PPIP5K2: variants seen among roughly 807,000 people sequenced by gnomAD.
PPIP5K2 encodes the protein diphosphoinositol pentakisphosphate kinase 2.
Under a neutral mutation model 154.6 loss-of-function variants are expected in PPIP5K2, and 105 were observed. The observed-to-expected ratio is 0.68, with a 90% confidence interval of 0.58 to 0.80. The LOEUF is 0.80. PPIP5K2 is among the 30% of genes least tolerant of loss of function. PPIP5K2 has a pLI of 0.00. For missense variants in PPIP5K2, 992 were observed against 1,504.6 expected (o/e 0.66, Z 5.64); for synonymous variants, 480 against 490.3 (o/e 0.98, Z 0.28).
Position 103,201,695 on chromosome 5 carries a change from C to A in PPIP5K2, c.*61C>A. Reference sequence around the variant, plus strand: ...AAAATAGTATGTTCTTATGTTTCTCCTTATGCATTTATGTGTTCACTTAAA... The same window carrying A: ...AAAATAGTATGTTCTTATGTTTCTCATTATGCATTTATGTGTTCACTTAAA... On this transcript the variant is annotated 3_prime_UTR_variant, in exon 31 of 31. Transcript: ENST00000358359. 3 of 1,189,904 alleles carry A rather than the reference C, an allele frequency of 2.5e-6. No individual in the cohort carries two copies. Among genetic ancestry groups the A allele is most frequent in the Non-Finnish European group, 3.6e-6 (3 of 843,686 alleles). The allele number at this position is 1,189,904 out of a possible 1,614,324, so 73.7% of individuals were successfully genotyped here. A position where few individuals can be genotyped will look rare whatever the true frequency, so the allele number is the denominator to read the frequency against.
rs1554214286 is a variant in PPIP5K2 at position 103,158,222 on chromosome 5, T to C, written c.1524T>C (p.Val508=). The C allele has an allele frequency of 1.2e-6, 2 of 1,613,938 alleles. No individual in the cohort carries two copies. Among genetic ancestry groups the C allele is most frequent in the Non-Finnish European group, 1.7e-6 (2 of 1,179,830 alleles). Residue 508 remains valine, a synonymous_variant, in exon 15 of 31, where the codon GTT becomes GTC. Coordinates refer to ENST00000358359, the MANE Select transcript of PPIP5K2 (RefSeq NM_001276277.3). ...SRREEPSLLL[V]LKWGGELTPA... ...GAGAAGAACCATCTTTACTTTTGGT[T>C]CTAAAATGGGGAGGTGAATTAACTC... is the stretch of plus-strand genomic sequence containing the variant.
chr5:103,158,604 A>T, intron 16 of PPIP5K2, 31 bp downstream of exon 16: 1 of 1,524,108 alleles, frequency 6.6e-7, no homozygotes, highest in South Asian at 1.3e-5. Context: ...GAATTATTAG[A>T]GTTTTTAATC....
rs1803013582 is a variant in PPIP5K2, at chr5:103,201,548, G to T, written c.3646G>T (p.Val1216Phe). 6.2e-7 allele frequency: 1 copy of T among 1,604,438 alleles called. No homozygotes were observed. Among genetic ancestry groups the T allele is most frequent in the Non-Finnish European group, 8.5e-7 (1 of 1,176,790 alleles). ...PATSGPSSAVVPNTSSRKKNI... is the reference protein window; with the variant it reads ...PATSGPSSAVFPNTSSRKKNI... ...TACAAGTGGACCTTCTAGTGCAGTT[G>T]TTCCTAATACCTCATCTCGGAAAAA... is the stretch of plus-strand genomic sequence containing the variant. Residue 1216 changes from valine (V) to phenylalanine (F), a missense_variant, in exon 31 of 31, where the codon GTT becomes TTT. Transcript: ENST00000358359.
Position 103,152,703 on chromosome 5 carries a change from T to C in PPIP5K2, c.1084T>C (p.Leu362=), listed in dbSNP as rs782707139. 171 of 1,596,236 alleles carry C rather than the reference T, an allele frequency of 1.1e-4. No individual in the cohort carries two copies. Among genetic ancestry groups the C allele is most frequent in the Non-Finnish European group, 1.2e-4 (142 of 1,164,502 alleles). ...PQFHIPWSIP[L]EAEDIPIVPT... ...ATTTCATATTCCATGGTCAATACCCTTAGAAGCTGAAGATATCCCAATTGT... is the reference window on the plus strand; with the variant it reads ...ATTTCATATTCCATGGTCAATACCCCTAGAAGCTGAAGATATCCCAATTGT... Residue 362 remains leucine, a synonymous_variant, in exon 10 of 31, where the codon TTA becomes CTA. Coordinates refer to ENST00000358359, the MANE Select transcript of PPIP5K2 (RefSeq NM_001276277.3).
chr5:103,201,507 T>TTG lies in PPIP5K2; in HGVS notation c.3620-14_3620-13insGT. The TTG allele has an allele frequency of 6.7e-7, 1 of 1,493,140 alleles. No homozygotes were observed. Among genetic ancestry groups the TTG allele is most frequent in the South Asian group, 1.3e-5 (1 of 75,602 alleles). 92.5% of individuals were successfully genotyped at this position (1,493,140 alleles called of 1,614,324 possible). Reference sequence around the variant, plus strand: ...TTAAGCAATAGTTTTTTTTTTTTGTTTTTGTTTTATGTAGCTACAAGTGGA... The same window carrying TTG: ...TTAAGCAATAGTTTTTTTTTTTTGTTTGTTTGTTTTATGTAGCTACAAGTGGA... On this transcript the variant is annotated splice_polypyrimidine_tract_variant and intron_variant, in intron 30 of 30. Coordinates refer to ENST00000358359, the MANE Select transcript of PPIP5K2 (RefSeq NM_001276277.3).
At chr5:103,176,915 G>A in intron 21 of PPIP5K2, 1 of 1,448,940 alleles carries the variant, frequency 6.9e-7, no homozygotes, top group South Asian at 1.2e-5. Flanking sequence ...GAGATGGTAA[G>A]ATCAATAGAA....
chr5:103,197,122 G>A (rs1036648385), intron 30 of PPIP5K2, among the ~76,000 whole-genome samples: 1 of 152,092 alleles, frequency 6.6e-6, no homozygotes, highest in African/African-American at 2.4e-5. Flanking sequence ...ATAGGATACT[G>A]GTCTGTAGTT....
intron 30 of PPIP5K2, among the ~76,000 whole-genome samples, chr5:103,201,171 T>G (rs1554230147): frequency 6.6e-6 from 1 of 152,212 alleles, no homozygotes; most frequent in Non-Finnish European, 1.5e-5. Flanking sequence ...TTGGCAGTTG[T>G]ATATACATAT....
chr5:103,210,896 C>G lies in PPIP5K2; in HGVS notation c.*9262C>G, dbSNP rs2149896255. ...AATGCAAACTATTTTTTTGTGTTAG[C>G]CTAAATAAAATGAAATACAGTTATG... On this transcript the variant is annotated 3_prime_UTR_variant, in exon 31 of 31. Transcript: ENST00000358359. The G allele has an allele frequency of 6.6e-6, 1 of 151,902 alleles. No homozygotes were observed. The highest frequency in any genetic ancestry group is 2.1e-4 in the South Asian group (1 of 4,808). 9.4% of individuals were successfully genotyped at this position (151,902 alleles called of 1,614,324 possible). A position where few individuals can be genotyped will look rare whatever the true frequency, so the allele number is the denominator to read the frequency against.
At chr5:103,181,574 A>AAAAT (rs1174841440) in intron 24 of PPIP5K2, among the ~76,000 whole-genome samples, 14 of 152,144 alleles carry the variant, frequency 9.2e-5, no homozygotes, top group East Asian at 1.9e-4. Context: ...TCTGTCTCAA[A>AAAAT]AAATAAATAA....
At chr5:103,153,974 T>G (rs782179533) in intron 11 of PPIP5K2, 40 bp downstream of exon 11, 2 of 1,423,676 alleles carry the variant, frequency 1.4e-6, no homozygotes, top group Non-Finnish European at 1.9e-6. Context: ...CATGATACAA[T>G]TTTAAGATTT....
intron 23 of PPIP5K2, among the ~76,000 whole-genome samples, chr5:103,179,252 A>G (rs1554221861): frequency 6.6e-6 from 1 of 151,930 alleles, no homozygotes; most frequent in African/African-American, 2.4e-5. Flanking sequence ...TTATGTACTC[A>G]GTTTATTTTC....
At chr5:103,199,425 G>A (rs1253595042) in intron 30 of PPIP5K2, among the ~76,000 whole-genome samples, 2 of 151,982 alleles carry the variant, frequency 1.3e-5, no homozygotes, top group Non-Finnish European at 2.9e-5. Flanking sequence ...AGAGAATTCT[G>A]GGTAGAAAAT....
chr5:103,208,848 T>G lies in PPIP5K2; in HGVS notation c.*7214T>G, dbSNP rs1355643377. On this transcript the variant is annotated 3_prime_UTR_variant, in exon 31 of 31. Transcript: ENST00000358359. Reference sequence around the variant, plus strand: ...CTATTTTGGGGTTGAGGTTAAAGTGTCTTCTAGTTTTGTTGAAGATAGTTT... The same window carrying G: ...CTATTTTGGGGTTGAGGTTAAAGTGGCTTCTAGTTTTGTTGAAGATAGTTT... 2 of 152,158 alleles carry G rather than the reference T, an allele frequency of 1.3e-5. No individual in the cohort carries two copies. Among genetic ancestry groups the G allele is most frequent in the African/African-American group, 4.8e-5 (2 of 41,436 alleles). 9.4% of individuals were successfully genotyped at this position (152,158 alleles called of 1,614,324 possible).
chr5:103,160,122 A>G (rs1210908668), intron 17 of PPIP5K2, among the ~76,000 whole-genome samples: 4 of 152,130 alleles, frequency 2.6e-5, no homozygotes, highest in African/African-American at 4.8e-5. Context: ...AGGCTAGATG[A>G]TGATACTTCA....
chr5:103,137,463 A>G (rs988092752), intron 4 of PPIP5K2, among the ~76,000 whole-genome samples: 15 of 152,252 alleles, frequency 9.9e-5, no homozygotes, highest in Middle Eastern at 6.8e-3. Context: ...CACCCGGCCT[A>G]TAACTAGATT....
intron 17 of PPIP5K2, among the ~76,000 whole-genome samples, chr5:103,162,415 TGCAG>T: frequency 6.6e-6 from 1 of 151,314 alleles, no homozygotes; most frequent in Admixed American, 6.6e-5. Context: ...CAGGCGGGAG[TGCAG>T]TGGTGTGATC....
intron 9 of PPIP5K2, 29 bp downstream of exon 9, chr5:103,151,403 C>G: frequency 6.6e-7 from 1 of 1,520,004 alleles, no homozygotes; most frequent in Non-Finnish European, 9.0e-7. Flanking sequence ...TTCTTTTTAC[C>G]TTCATATACT....
chr5:103,129,870 G>A (rs1327187999), intron 2 of PPIP5K2, among the ~76,000 whole-genome samples, 167 bp downstream of exon 2: 1 of 152,120 alleles, frequency 6.6e-6, no homozygotes, highest in African/African-American at 2.4e-5. Flanking sequence ...ACAGTTATGG[G>A]TCAAACCTTT....
Sources: allele counts gnomAD v4.1 joint callset (sites outside exome capture counted in the v4.1 genomes callset), GRCh38; gene constraint gnomAD v4.1.1; transcripts MANE v1.5; gene names NCBI Gene and HGNC (gene_info 2026-07-23, HGNC 2026-07-21).